RAB3B: variants seen among roughly 807,000 people sequenced by gnomAD.
RAB3B encodes RAB3B, member RAS oncogene family.
In RAB3B, 11 loss-of-function variants were observed where a neutral mutation model predicts 20.5. That is an observed-to-expected ratio of 0.54 (90% CI 0.34 to 0.89). RAB3B has a LOEUF of 0.89. Among genes scored for constraint, RAB3B ranks in the 40% least tolerant of loss-of-function variants. The pLI is 0.02. For missense variants in RAB3B, 225 were observed against 280.9 expected (o/e 0.80, Z 1.42); for synonymous variants, 99 against 106.3 (o/e 0.93, Z 0.42).
chr1:51,970,855 A>G (rs1392680194), intron 2 of RAB3B, among the ~76,000 whole-genome samples: 1 of 151,646 alleles, frequency 6.6e-6, no homozygotes, highest in Non-Finnish European at 1.5e-5. Flanking sequence ...AATACAAAAA[A>G]AAAAAATTAG....
chr1:51,974,865 T>TA lies in RAB3B; in HGVS notation c.228+2024dup, dbSNP rs56962465. On this transcript the variant is annotated intron_variant, in intron 2 of 4. Transcript: ENST00000371655. ...CTACATACAGACTGCCCCAATAAGA[T>TA]ATATGCATAATGTATTAATGTACAT... Among the ~76,000 whole-genome samples the TA allele has an allele frequency of 4.3e-3, 661 of 152,366 alleles. 4 individuals are homozygous for TA. Among genetic ancestry groups the TA allele is most frequent in the African/African-American group, 0.015 (632 of 41,582 alleles).
At chr1:51,962,394 C>T (rs1684795946) in intron 2 of RAB3B, among the ~76,000 whole-genome samples, 1 of 152,180 alleles carries the variant, frequency 6.6e-6, no homozygotes, top group African/African-American at 2.4e-5. Context: ...AGAGGGATGC[C>T]AGGCATTCAG....
chr1:51,945,080 A>G (rs1684546942), intron 2 of RAB3B, among the ~76,000 whole-genome samples: 1 of 152,192 alleles, frequency 6.6e-6, no homozygotes, highest in South Asian at 2.1e-4. Flanking sequence ...ATCAGTCAGC[A>G]CCCATGAACA....
rs1375484773 is a variant in RAB3B, at chr1:51,912,713, G to C, written c.*7214C>G. On this transcript the variant is annotated 3_prime_UTR_variant, in exon 5 of 5. Transcript: ENST00000371655. Reference sequence around the variant, plus strand: ...TAGGGCAGAAAACAATGGTGGCCTGGACCAAGGTCATGCCAATGAAAATGG... The same window carrying C: ...TAGGGCAGAAAACAATGGTGGCCTGCACCAAGGTCATGCCAATGAAAATGG... The C allele has an allele frequency of 6.6e-6, 1 of 150,566 alleles. No individual in the cohort carries two copies. The highest frequency in any genetic ancestry group is 1.5e-5 in the Non-Finnish European group (1 of 67,740). The allele number at this position is 150,566 out of a possible 1,614,324, so 9.3% of individuals were successfully genotyped here.
intron 2 of RAB3B, among the ~76,000 whole-genome samples, chr1:51,971,537 A>C (rs976897156): frequency 6.6e-6 from 1 of 151,740 alleles, no homozygotes; most frequent in Non-Finnish European, 1.5e-5. Context: ...GGTTCAAGCA[A>C]TTCTACTGCA....
At chr1:51,966,164 C>T (rs185788245) in intron 2 of RAB3B, among the ~76,000 whole-genome samples, 282 of 152,320 alleles carry the variant, frequency 1.9e-3, no homozygotes, top group African/African-American at 6.0e-3. Flanking sequence ...TATGCTCTTG[C>T]AAATGTCATT....
intron 4 of RAB3B, among the ~76,000 whole-genome samples, chr1:51,921,570 C>G (rs1206942698): frequency 6.6e-6 from 1 of 151,908 alleles, no homozygotes; most frequent in African/African-American, 2.4e-5. Flanking sequence ...GTCTCTTTGG[C>G]CTCCTCTGCT....
intron 3 of RAB3B, among the ~76,000 whole-genome samples, 167 bp from the exon 4 acceptor site, chr1:51,933,609 T>C (rs989955482): frequency 2.6e-5 from 4 of 152,144 alleles, no homozygotes; most frequent in African/African-American, 7.2e-5. Flanking sequence ...CTAATAAATG[T>C]GTCCATATAA....
rs1491223921 is a variant in RAB3B, at chr1:51,912,554, A to AAAAAT, written c.*7372_*7373insATTTT. On this transcript the variant is annotated 3_prime_UTR_variant, in exon 5 of 5. Transcript: ENST00000371655. ...AGACCGTCTCTATTAAAAAAAAAAAAATATATATATATATATATATATATA... is the reference window on the plus strand; with the variant it reads ...AGACCGTCTCTATTAAAAAAAAAAAAAAAATATATATATATATATATATATATATA... The AAAAAT allele has an allele frequency of 2.6e-3, 40 of 15,484 alleles. 1 individual carries two copies. The highest frequency in any genetic ancestry group is 3.0e-3 in the South Asian group (1 of 334). The allele number at this position is 15,484 out of a possible 1,614,324, so 1.0% of individuals were successfully genotyped here. A position where few individuals can be genotyped will look rare whatever the true frequency, so the allele number is the denominator to read the frequency against.
rs191830627 is a variant in RAB3B at position 51,926,517 on chromosome 1, C to T, written c.473-6403G>A. 3.7e-3 allele frequency among the ~76,000 whole-genome samples: 569 copies of T among 152,322 alleles called. 1 individual carries two copies. The highest frequency in any genetic ancestry group is 6.5e-3 in the Non-Finnish European group (439 of 68,034). On this transcript the variant is annotated intron_variant, in intron 4 of 4. Coordinates refer to ENST00000371655, the MANE Select transcript of RAB3B (RefSeq NM_002867.4). ...CTTTGTGTGGTTTAGCCATTCCAAACGGACCCCAGAGTAAGAAAATGCATG... is the reference window on the plus strand; with the variant it reads ...CTTTGTGTGGTTTAGCCATTCCAAATGGACCCCAGAGTAAGAAAATGCATG...
At chr1:51,983,491 G>A (rs1000881193) in intron 1 of RAB3B, among the ~76,000 whole-genome samples, 1 of 152,136 alleles carries the variant, frequency 6.6e-6, no homozygotes, top group African/African-American at 2.4e-5. Context: ...TAGACTATGT[G>A]TATAGTAAGC....
At chr1:51,974,263 G>T (rs1356564782) in intron 2 of RAB3B, among the ~76,000 whole-genome samples, 5 of 152,204 alleles carry the variant, frequency 3.3e-5, no homozygotes, top group Non-Finnish European at 7.3e-5. Flanking sequence ...CCTAATAGGT[G>T]CTTTTAGTAA....
rs1553232403 is a variant in RAB3B at position 51,989,256 on chromosome 1, G to GTT, written c.-1+1294_-1+1295dup. 6.3e-5 allele frequency among the ~76,000 whole-genome samples: 8 copies of GTT among 126,902 alleles called. No homozygotes were observed. In the Admixed American group the frequency reaches 6.5e-4, roughly 10 times the overall value. The allele number at this position is 126,902 out of a possible 152,430, so 83.3% of individuals were successfully genotyped here. A position where few individuals can be genotyped will look rare whatever the true frequency, so the allele number is the denominator to read the frequency against. On this transcript the variant is annotated intron_variant, in intron 1 of 4. Transcript: ENST00000371655. ...TGTGTGTGTGTGTGTGTGTGTGTGT[G>GTT]TTTTGAGGGCCCATCTTTCTCCCAC...
At chr1:51,953,724 C>T (rs1273513489) in intron 2 of RAB3B, among the ~76,000 whole-genome samples, 1 of 152,210 alleles carries the variant, frequency 6.6e-6, no homozygotes, top group Non-Finnish European at 1.5e-5. Context: ...TCACTTGAAG[C>T]TGGGAGGTGG....
At chr1:51,976,457 T>C (rs549062251) in intron 2 of RAB3B, among the ~76,000 whole-genome samples, 54 of 152,322 alleles carry the variant, frequency 3.5e-4, no homozygotes, top group African/African-American at 7.0e-4. Context: ...AGTGTGCATT[T>C]ACTATGTTCC....
intron 1 of RAB3B, among the ~76,000 whole-genome samples, chr1:51,982,160 C>T (rs1205219314): frequency 6.6e-6 from 1 of 152,156 alleles, no homozygotes; most frequent in Non-Finnish European, 1.5e-5. Flanking sequence ...ATTGATGCTC[C>T]TGGACCCTGT....
Position 51,976,892 on chromosome 1 carries a change from A to G in RAB3B, c.226T>C (p.Trp76Arg). ...TGCCCAAGATTCCCGGGACTCACCC[A>G]GATCTGCAGTTTCACCCGCTTCTCG... is the stretch of plus-strand genomic sequence containing the variant. ...RHEKRVKLQI[W>R]DTAGQERYRT... Residue 76 changes from tryptophan to arginine, a missense_variant and splice_region_variant, in exon 2 of 5, where the codon TGG becomes CGG. Coordinates refer to ENST00000371655, the MANE Select transcript of RAB3B (RefSeq NM_002867.4). 6.2e-7 allele frequency: 1 copy of G among 1,613,610 alleles called. No homozygotes were observed. Among genetic ancestry groups the G allele is most frequent in the Non-Finnish European group, 8.5e-7 (1 of 1,179,488 alleles).
At chr1:51,951,332 A>G (rs1684638437) in intron 2 of RAB3B, among the ~76,000 whole-genome samples, 1 of 152,154 alleles carries the variant, frequency 6.6e-6, no homozygotes, top group Admixed American at 6.5e-5. Flanking sequence ...GAAGAAATCA[A>G]TCTTAAAGTT....
intron 2 of RAB3B, among the ~76,000 whole-genome samples, chr1:51,956,421 G>A (rs940901169): frequency 6.6e-6 from 1 of 152,164 alleles, no homozygotes; most frequent in African/African-American, 2.4e-5. Context: ...TACTTGCCCA[G>A]GTTAGCAAAT....
Sources: allele counts gnomAD v4.1 joint callset (sites outside exome capture counted in the v4.1 genomes callset), GRCh38; gene constraint gnomAD v4.1.1; transcripts MANE v1.5; gene names NCBI Gene and HGNC (gene_info 2026-07-23, HGNC 2026-07-21).